DENND2D: variants seen among roughly 807,000 people sequenced by gnomAD.
The protein encoded by DENND2D is DENN domain-containing protein 2D.
A neutral mutation model predicts 59.8 loss-of-function variants in DENND2D; 37 were observed. The ratio of observed to expected loss-of-function variants is 0.62; its 90% CI spans 0.48 to 0.81. DENND2D has a LOEUF of 0.81. Among genes scored for constraint, DENND2D ranks in the 40% least tolerant of loss-of-function variants. The pLI, the probability that DENND2D is intolerant of heterozygous loss-of-function variation, is 0.00. For missense variants in DENND2D, 525 were observed against 579.7 expected (o/e 0.91, Z 0.97); for synonymous variants, 219 against 211.3 (o/e 1.04, Z -0.31).
chr1:111,204,156 G>A (rs1363585676), upstream of DENND2D: 4 of 623,372 alleles, frequency 6.4e-6, no homozygotes, highest in Non-Finnish European at 6.2e-6. Flanking sequence ...CTGCCCCCGC[G>A]CAGCCTCCTG....
chr1:111,204,448 G>A, upstream of DENND2D: 3 of 1,222,964 alleles, frequency 2.5e-6, no homozygotes, highest in Non-Finnish European at 2.1e-6. Flanking sequence ...ACTTTCACGC[G>A]GGGGGAGGCC....
intron 7 of DENND2D, 139 bp from the exon 8 acceptor site, chr1:111,192,456 T>A: frequency 1.1e-6 from 1 of 886,248 alleles, no homozygotes; most frequent in Non-Finnish European, 1.6e-6. Context: ...GGGGCCATGC[T>A]GGTCACAGAG....
At chr1:111,197,451 C>T (rs1658352249) in intron 4 of DENND2D, 198 bp from the exon 5 acceptor site, 1 of 1,430,516 alleles carries the variant, frequency 7.0e-7, no homozygotes, top group Admixed American at 2.8e-5. Context: ...TGGGCAAGCG[C>T]TGCCACCTTC....
At chr1:111,204,227 C>A, upstream of DENND2D, 5 of 1,407,280 alleles carry the variant, frequency 3.6e-6, no homozygotes, top group South Asian at 3.0e-5. Flanking sequence ...CGGGCCCCAG[C>A]CGCCAGCCCT....
At chr1:111,190,089 G>A (rs2209457) in intron 8 of DENND2D, among the ~76,000 whole-genome samples, 43,245 of 150,478 alleles carry the variant, frequency 0.29, 6,331 homozygotes, top group East Asian at 0.43. Flanking sequence ...GCGTGAACCC[G>A]GGAGGCGGAG....
In DENND2D at chr1:111,186,449, C is replaced by T. The variant is rs1281183186; in HGVS notation, c.*1156G>A. Among the ~76,000 whole-genome samples, 4 of 152,290 alleles carry T rather than the reference C, an allele frequency of 2.6e-5. No homozygotes were observed. The South Asian group carries it at 8.3e-4, about 32-fold the overall frequency. On this transcript the variant is annotated 3_prime_UTR_variant, in exon 12 of 12. Coordinates refer to ENST00000357640, the MANE Select transcript of DENND2D (RefSeq NM_024901.5). Reference sequence around the variant, plus strand: ...TTGAACTTCAGTATGCCCGGTTCCACCCTCCAGAAACTTTTGTGTTCTTTG... The same window carrying T: ...TTGAACTTCAGTATGCCCGGTTCCATCCTCCAGAAACTTTTGTGTTCTTTG...
At chr1:111,199,036 T>C (rs1029787734) in intron 2 of DENND2D, among the ~76,000 whole-genome samples, 3 of 152,138 alleles carry the variant, frequency 2.0e-5, no homozygotes, top group African/African-American at 7.2e-5. Flanking sequence ...ATGTTGAATA[T>C]AGAAAGGCCC....
rs1658175246 is a variant in DENND2D, at chr1:111,195,830, T to A, written c.645+86A>T. 3 of 1,587,444 alleles carry A rather than the reference T, an allele frequency of 1.9e-6. No individual in the cohort carries two copies. In the African/African-American group the frequency reaches 4.0e-5, roughly 21 times the overall value. On this transcript the variant is annotated intron_variant, in intron 6 of 11. Coordinates refer to ENST00000357640, the MANE Select transcript of DENND2D (RefSeq NM_024901.5). ...GGCTCAGTTTCTCTGTACTTTAACC[T>A]GGTTAATGGAAGAACAGTGGTGAGA...
intron 8 of DENND2D, among the ~76,000 whole-genome samples, chr1:111,189,842 C>T (rs1657568124): frequency 6.6e-6 from 1 of 152,150 alleles, no homozygotes; most frequent in South Asian, 2.1e-4. Flanking sequence ...TTTTTTCATG[C>T]TTGCAACATC....
chr1:111,203,534 C>T (rs1193537123), upstream of DENND2D, among the ~76,000 whole-genome samples: 2 of 152,256 alleles, frequency 1.3e-5, no homozygotes, highest in Non-Finnish European at 2.9e-5. Context: ...TTCTAACTGC[C>T]CTCCTTCCAA....
In DENND2D at chr1:111,196,188, C is replaced by G. The variant is rs994439818; in HGVS notation, c.505-132G>C. On this transcript the variant is annotated intron_variant, in intron 5 of 11. Coordinates refer to ENST00000357640, the MANE Select transcript of DENND2D (RefSeq NM_024901.5). ...GCTGATCCTCATGTATCTTCTAGGG[C>G]CCTCCACGAACTGGTCCTCTCCCTC... The G allele has an allele frequency of 3.4e-6, 4 of 1,184,762 alleles. No individual in the cohort carries two copies. In the Middle Eastern group the frequency reaches 9.2e-4, roughly 273 times the overall value. 73.4% of individuals were successfully genotyped at this position (1,184,762 alleles called of 1,614,324 possible). A position where few individuals can be genotyped will look rare whatever the true frequency, so the allele number is the denominator to read the frequency against.
intron 6 of DENND2D, 125 bp downstream of exon 6, chr1:111,195,790 TC>T: frequency 7.3e-7 from 1 of 1,374,828 alleles, no homozygotes; most frequent in South Asian, 1.3e-5. Flanking sequence ...TCTAACCAAG[TC>T]CCAGTCCCCA....
chr1:111,188,087 G>GTCTA (rs1233104609), intron 11 of DENND2D, 44 bp downstream of exon 11: 2 of 1,606,432 alleles, frequency 1.2e-6, no homozygotes, highest in African/African-American at 2.7e-5. Context: ...TTATTCTAGA[G>GTCTA]GTAACCCTCT....
upstream of DENND2D, among the ~76,000 whole-genome samples, chr1:111,201,996 C>CAGA (rs1027814235): frequency 6.6e-6 from 1 of 152,204 alleles, no homozygotes; most frequent in African/African-American, 2.4e-5. Context: ...GATGGGGAAA[C>CAGA]TGAGGCATAA....
intron 7 of DENND2D, 23 bp downstream of exon 7, chr1:111,194,555 A>G: frequency 6.2e-7 from 1 of 1,612,462 alleles, no homozygotes; most frequent in Non-Finnish European, 8.5e-7. Flanking sequence ...AGTTCAGGTG[A>G]GCCGTCCAGG....
upstream of DENND2D, chr1:111,200,771 C>A (rs1658726348): frequency 8.5e-7 from 1 of 1,175,490 alleles, no homozygotes; most frequent in African/African-American, 1.6e-5. Context: ...TGAGCAAACA[C>A]CTCTGGCTGA....
At chr1:111,197,857 C>G (rs2101493573) in intron 4 of DENND2D, 63 bp downstream of exon 4, 16 of 1,609,026 alleles carry the variant, frequency 9.9e-6, no homozygotes, top group Non-Finnish European at 1.4e-5. Context: ...CAGGCTTGAG[C>G]AAGCCCAGCC....
intron 6 of DENND2D, chr1:111,195,355 C>T (rs962475610): frequency 6.7e-6 from 1 of 150,186 alleles, no homozygotes; most frequent in Non-Finnish European, 1.5e-5. Context: ...TTTCTAGCCT[C>T]TCCCCTTATT....
At chr1:111,197,736 A>G in intron 4 of DENND2D, 184 bp downstream of exon 4, 1 of 1,427,764 alleles carries the variant, frequency 7.0e-7, no homozygotes. Flanking sequence ...GAGAAGGGGC[A>G]TCAGGTCCTC....
Sources: gnomAD v4.1 joint callset for allele counts (sites outside exome capture counted in the v4.1 genomes callset) on GRCh38, gnomAD v4.1.1 for gene constraint, MANE v1.5 for transcripts, NCBI Gene and HGNC (gene_info 2026-07-23, HGNC 2026-07-21) for gene names.